Variants in PHACTR1 observed in about 807,000 individuals in gnomAD.
The protein encoded by PHACTR1 is phosphatase and actin regulator 1.
Under a neutral mutation model 69.2 loss-of-function variants are expected in PHACTR1, and 16 were observed. The ratio of observed to expected loss-of-function variants is 0.23; its 90% CI spans 0.16 to 0.35. The LOEUF is 0.35. PHACTR1 is among the 10% of genes least tolerant of loss of function. The probability of loss-of-function intolerance (pLI) is 1.00; values close to 1 mark genes in which losing one functional copy is unlikely to be tolerated. For missense variants in PHACTR1, 510 were observed against 734.7 expected (o/e 0.69, Z 3.54); for synonymous variants, 312 against 284.5 (o/e 1.10, Z -0.97).
intron 6 of PHACTR1, among the ~76,000 whole-genome samples, chr6:13,167,469 C>A (rs1261418861): frequency 6.6e-6 from 1 of 152,198 alleles, no homozygotes; most frequent in Non-Finnish European, 1.5e-5. Context: ...ATTTTCCCTG[C>A]ATGTTAGACA....
chr6:13,112,607 A>G (rs1817213130), intron 5 of PHACTR1, among the ~76,000 whole-genome samples: 1 of 152,036 alleles, frequency 6.6e-6, no homozygotes, highest in South Asian at 2.1e-4. Context: ...TGTGGTTTTG[A>G]TTTGCATTTC....
At chr6:13,136,065 A>G (rs1821497222) in intron 5 of PHACTR1, among the ~76,000 whole-genome samples, 1 of 152,184 alleles carries the variant, frequency 6.6e-6, no homozygotes, top group South Asian at 2.1e-4. Flanking sequence ...GCCACTTTTA[A>G]CCTGCATATT....
intron 10 of PHACTR1, among the ~76,000 whole-genome samples, chr6:13,255,507 A>G (rs933073562): frequency 6.6e-6 from 1 of 152,238 alleles, no homozygotes; most frequent in African/African-American, 2.4e-5. Context: ...CAAAAGTCTT[A>G]TCTGAGACAA....
chr6:12,829,682 C>T (rs772635678), intron 4 of PHACTR1, among the ~76,000 whole-genome samples: 1 of 151,584 alleles, frequency 6.6e-6, no homozygotes, highest in Non-Finnish European at 1.5e-5. Flanking sequence ...AGGCCAGGCG[C>T]GGTGGCTCAT....
intron 4 of PHACTR1, among the ~76,000 whole-genome samples, chr6:13,013,831 G>A (rs568313100): frequency 6.7e-6 from 1 of 148,280 alleles, no homozygotes; most frequent in South Asian, 2.1e-4. Context: ...CGAGGGGCGC[G>A]AGTGGCAGCG....
intron 4 of PHACTR1, among the ~76,000 whole-genome samples, chr6:13,020,728 T>A (rs1329959963): frequency 6.6e-6 from 1 of 152,244 alleles, no homozygotes; most frequent in Non-Finnish European, 1.5e-5. Flanking sequence ...ATGTTTCTAG[T>A]GCTGAGAACG....
intron 4 of PHACTR1, among the ~76,000 whole-genome samples, chr6:12,889,153 G>A (rs1179111780): frequency 6.6e-6 from 1 of 152,112 alleles, no homozygotes; most frequent in Non-Finnish European, 1.5e-5. Context: ...TTGAGCCTTG[G>A]GAGGCTGAGG....
intron 4 of PHACTR1, among the ~76,000 whole-genome samples, chr6:13,049,502 A>T (rs543470624): frequency 6.6e-6 from 1 of 152,320 alleles, no homozygotes; most frequent in African/African-American, 2.4e-5. Context: ...CAAACTGAAT[A>T]TTTTAAAAAC....
At chr6:12,967,339 A>G (rs1276208996) in intron 4 of PHACTR1, among the ~76,000 whole-genome samples, 1 of 152,202 alleles carries the variant, frequency 6.6e-6, no homozygotes, top group Non-Finnish European at 1.5e-5. Flanking sequence ...ACTCCATTAA[A>G]ACAACTCTGC....
In PHACTR1 at chr6:13,008,222, C is replaced by T. The variant is rs1799041496; in HGVS notation, c.251-45143C>T. Among the ~76,000 whole-genome samples, 3 of 152,270 alleles carry T rather than the reference C, an allele frequency of 2.0e-5. No homozygotes were observed. In the South Asian group the frequency reaches 6.2e-4, roughly 32 times the overall value. On this transcript the variant is annotated intron_variant, in intron 4 of 14. Coordinates refer to ENST00000332995, the MANE Select transcript of PHACTR1 (RefSeq NM_030948.6). ...GCTTTAGGCTTCAAAACACAGTTGG[C>T]AGAAAAACACTGTGGTGGAAAAGCC...
chr6:12,788,194 A>G (rs9472554), intron 4 of PHACTR1, among the ~76,000 whole-genome samples: 6,292 of 151,624 alleles, frequency 0.041, 432 homozygotes, highest in African/African-American at 0.14. Context: ...AACAAAGGAA[A>G]CTGAGCACCA....
chr6:12,931,598 G>T (rs899217830), intron 4 of PHACTR1, among the ~76,000 whole-genome samples: 1 of 152,012 alleles, frequency 6.6e-6, no homozygotes, highest in Non-Finnish European at 1.5e-5. Flanking sequence ...TGGATTGATG[G>T]GTGAATGAGT....
chr6:12,929,497 G>A (rs1788640086), intron 4 of PHACTR1, among the ~76,000 whole-genome samples: 1 of 152,176 alleles, frequency 6.6e-6, no homozygotes, highest in Admixed American at 6.5e-5. Flanking sequence ...GCTCTCAAAT[G>A]TTATCCTCAG....
At chr6:13,176,008 G>T (rs756676855) in intron 6 of PHACTR1, among the ~76,000 whole-genome samples, 1 of 152,064 alleles carries the variant, frequency 6.6e-6, no homozygotes, top group Non-Finnish European at 1.5e-5. Flanking sequence ...ACAGGGGCCA[G>T]TGCTTATACC....
rs1789923003 is a variant in PHACTR1 at position 12,940,190 on chromosome 6, CA to C, written c.251-113173del. 4.6e-5 allele frequency among the ~76,000 whole-genome samples: 7 copies of C among 152,224 alleles called. 1 individual carries two copies. In the South Asian group the frequency reaches 1.5e-3, roughly 32 times the overall value. On this transcript the variant is annotated intron_variant, in intron 4 of 14. Coordinates refer to ENST00000332995, the MANE Select transcript of PHACTR1 (RefSeq NM_030948.6). Reference sequence around the variant, plus strand: ...GCAACAGCACCAATCACATATTTAACAACTGCTGTTTTAGGTTTAAGCTAAT... The same window carrying C: ...GCAACAGCACCAATCACATATTTAACACTGCTGTTTTAGGTTTAAGCTAAT...
At chr6:12,843,697 A>G (rs542097975) in intron 4 of PHACTR1, among the ~76,000 whole-genome samples, 45 of 152,256 alleles carry the variant, frequency 3.0e-4, no homozygotes, top group Non-Finnish European at 3.4e-4. Context: ...ATATTCAAAG[A>G]TGGTTAACTT....
At chr6:12,863,704 T>C (rs1339961578) in intron 4 of PHACTR1, among the ~76,000 whole-genome samples, 1 of 152,248 alleles carries the variant, frequency 6.6e-6, no homozygotes, top group Non-Finnish European at 1.5e-5. Flanking sequence ...AATCACAATT[T>C]CATGCTACAA....
intron 4 of PHACTR1, among the ~76,000 whole-genome samples, chr6:13,022,674 A>AG (rs1012923963): frequency 5.3e-5 from 8 of 151,992 alleles, no homozygotes; most frequent in African/African-American, 1.7e-4. Context: ...CTTAAAAAAA[A>AG]AAAAAAACTT....
Position 13,283,398 on chromosome 6 carries a change from G to A in PHACTR1, c.1510-24G>A, listed in dbSNP as rs1780747601. ...ATGGTCAACCCTTCTGGCTGACTGG[G>A]TCCATCTCTCTCCCTCCCTGCAGCT... On this transcript the variant is annotated intron_variant, in intron 12 of 14. Coordinates refer to ENST00000332995, the MANE Select transcript of PHACTR1 (RefSeq NM_030948.6). This position sits in a 1 kb window ranked among gnomAD's most constrained non-coding sequence, Gnocchi z 4.7. 1 of 1,611,976 alleles carries A rather than the reference G, an allele frequency of 6.2e-7. No homozygotes were observed. Among genetic ancestry groups the A allele is most frequent in the Non-Finnish European group, 8.5e-7 (1 of 1,179,342 alleles).
Sources: allele counts gnomAD v4.1 joint callset (sites outside exome capture counted in the v4.1 genomes callset), GRCh38; gene constraint gnomAD v4.1.1; non-coding constraint Gnocchi (gnomAD v3.1); transcripts MANE v1.5; gene names NCBI Gene and HGNC (gene_info 2026-07-23, HGNC 2026-07-21).